The following TUT4 variants were observed in gnomAD, a reference collection of about 807,000 sequenced individuals.
TUT4 encodes the protein terminal uridylyltransferase 4.
In TUT4, 36 loss-of-function variants were observed where a neutral mutation model predicts 192.2. That is an observed-to-expected ratio of 0.19 (90% CI 0.14 to 0.25). The LOEUF (loss-of-function observed/expected upper bound fraction) is 0.25, where lower values mean the gene tolerates loss of function less well. Ranked by LOEUF, TUT4 falls within the 10% of genes least tolerant of loss-of-function variation. The pLI, the probability that TUT4 is intolerant of heterozygous loss-of-function variation, is 1.00. For synonymous variants in TUT4, 618 were observed against 666.0 expected, an observed-to-expected ratio of 0.93 and a Z score of 1.11; for missense variants, 1,493 against 1,957.2, an observed-to-expected ratio of 0.76 and a Z score of 4.47.
intron 1 of TUT4, among the ~76,000 whole-genome samples, chr1:52,540,944 G>A (rs1164858292): frequency 3.3e-5 from 5 of 152,136 alleles, no homozygotes; most frequent in Non-Finnish European, 5.9e-5. Flanking sequence ...AGTGGCTCAC[G>A]CCTGTAATCT....
intron 9 of TUT4, among the ~76,000 whole-genome samples, chr1:52,484,876 C>T (rs1011678474): frequency 4.6e-5 from 7 of 152,216 alleles, no homozygotes; most frequent in Non-Finnish European, 8.8e-5. Flanking sequence ...CTAGCTATTA[C>T]CCGTCTGAGC....
chr1:52,544,154 G>A (rs184602962), intron 1 of TUT4, among the ~76,000 whole-genome samples: 3 of 152,120 alleles, frequency 2.0e-5, no homozygotes, highest in African/African-American at 7.2e-5. Context: ...GGGTGTGGTG[G>A]TGGGCGCCTG....
intron 7 of TUT4, 66 bp downstream of exon 7, chr1:52,493,545 C>T: frequency 2.6e-6 from 3 of 1,163,492 alleles, no homozygotes; most frequent in Non-Finnish European, 3.6e-6. Flanking sequence ...CATATATAAA[C>T]AACACATGTA....
intron 20 of TUT4, among the ~76,000 whole-genome samples, chr1:52,453,028 C>T (rs1570445786): frequency 6.6e-6 from 1 of 152,116 alleles, no homozygotes; most frequent in South Asian, 2.1e-4. Flanking sequence ...GGGGAAAACC[C>T]CCCCAACACA....
intron 20 of TUT4, among the ~76,000 whole-genome samples, chr1:52,452,103 A>T (rs548560933): frequency 1.3e-5 from 2 of 151,878 alleles, no homozygotes; most frequent in African/African-American, 4.8e-5. Flanking sequence ...TTCCTAACTC[A>T]TTCTACAAGG....
chr1:52,429,082 GTTTTT>G (rs1195739562), intron 28 of TUT4, among the ~76,000 whole-genome samples: 1 of 131,418 alleles, frequency 7.6e-6, no homozygotes, highest in Non-Finnish European at 1.6e-5. Context: ...TCCATAATAG[GTTTTT>G]TTTTTTTTTT....
intron 12 of TUT4, 44 bp from the exon 13 acceptor site, chr1:52,475,579 AACT>A: frequency 6.7e-7 from 1 of 1,496,478 alleles, no homozygotes; most frequent in Non-Finnish European, 9.0e-7. Context: ...TCTACTAACA[AACT>A]ACATTTCCAA....
intron 1 of TUT4, among the ~76,000 whole-genome samples, chr1:52,548,111 A>T (rs932231578): frequency 6.6e-6 from 1 of 152,162 alleles, no homozygotes; most frequent in African/African-American, 2.4e-5. Context: ...GAATAAGGGA[A>T]AAGTCAAATT....
chr1:52,461,352 G>T, intron 18 of TUT4, 129 bp from the exon 19 acceptor site: 1 of 1,118,686 alleles, frequency 8.9e-7, no homozygotes, highest in Non-Finnish European at 1.2e-6. Flanking sequence ...CTATTAATGA[G>T]TCAAACAAAA....
At chr1:52,469,377 C>T (rs1330236963) in intron 14 of TUT4, among the ~76,000 whole-genome samples, 2 of 151,982 alleles carry the variant, frequency 1.3e-5, no homozygotes, top group East Asian at 1.9e-4. Context: ...TACATAAGCA[C>T]GGTACTCTAG....
At chr1:52,505,527 T>C (rs996947197) in intron 4 of TUT4, among the ~76,000 whole-genome samples, 1 of 148,828 alleles carries the variant, frequency 6.7e-6, no homozygotes, top group African/African-American at 2.5e-5. Flanking sequence ...ATTCAAGCGA[T>C]TCTCCTGCCT....
At chr1:52,527,005 C>T (rs540235004) in intron 1 of TUT4, among the ~76,000 whole-genome samples, 1 of 152,158 alleles carries the variant, frequency 6.6e-6, no homozygotes, top group East Asian at 1.9e-4. Flanking sequence ...GCCTGGGCAA[C>T]AAGAAGGAAC....
At chr1:52,427,692 G>T (rs1003069528) in intron 28 of TUT4, among the ~76,000 whole-genome samples, 1 of 152,198 alleles carries the variant, frequency 6.6e-6, no homozygotes, top group Admixed American at 6.5e-5. Context: ...TACCTTACTT[G>T]CATTGTTCCA....
intron 7 of TUT4, among the ~76,000 whole-genome samples, chr1:52,491,984 A>C (rs1671271943): frequency 6.6e-6 from 1 of 152,182 alleles, no homozygotes; most frequent in Admixed American, 6.5e-5. Context: ...TTACAATCAG[A>C]CTGAGTTTTA....
At chr1:52,500,976 G>A (rs573912160) in intron 4 of TUT4, among the ~76,000 whole-genome samples, 14 of 152,022 alleles carry the variant, frequency 9.2e-5, no homozygotes, top group African/African-American at 2.9e-4. Context: ...CTATAAAACC[G>A]TAACTAAGAA....
Position 52,488,996 on chromosome 1 carries a change from T to G in TUT4, c.1428A>C (p.Ala476=), listed in dbSNP as rs778112037. 1 of 1,613,580 alleles carries G rather than the reference T, an allele frequency of 6.2e-7. No homozygotes were observed. Among genetic ancestry groups the G allele is most frequent in the African/African-American group, 1.3e-5 (1 of 74,912 alleles). ...CAGTAAGTAAATCAGTAGTGAGACATGCCATATCGTTTCCTGCACTCACTC... is the reference window on the plus strand; with the variant it reads ...CAGTAAGTAAATCAGTAGTGAGACAGGCCATATCGTTTCCTGCACTCACTC... The part of the protein sequence containing the change: ...LCRVSAGNDM[A]CLTTDLLTAL... The change falls in exon 9 of 30, where the codon GCA becomes GCC. Residue 476 remains alanine (A), a synonymous_variant. Transcript: ENST00000257177.
chr1:52,461,810 C>T (rs1036073893), intron 16 of TUT4, 41 bp from the exon 17 acceptor site: 1 of 1,150,236 alleles, frequency 8.7e-7, no homozygotes, highest in African/African-American at 1.6e-5. Context: ...CTCAATTTCA[C>T]CTTGTGCAAA....
intron 1 of TUT4, among the ~76,000 whole-genome samples, chr1:52,533,426 C>A (rs1445898670): frequency 1.3e-5 from 2 of 152,140 alleles, no homozygotes; most frequent in East Asian, 3.8e-4. Flanking sequence ...CTATAAATAT[C>A]TTCTCAGTAA....
chr1:52,489,433 T>A (rs530231168), intron 8 of TUT4, among the ~76,000 whole-genome samples: 6 of 152,312 alleles, frequency 3.9e-5, no homozygotes, highest in African/African-American at 1.4e-4. Context: ...GCTTTCTACA[T>A]GATAATAGCA....
Sources: gnomAD v4.1 joint callset for allele counts (sites outside exome capture counted in the v4.1 genomes callset) on GRCh38, gnomAD v4.1.1 for gene constraint, MANE v1.5 for transcripts, NCBI Gene and HGNC (gene_info 2026-07-23, HGNC 2026-07-21) for gene names.